The following CRYZL1 variants were observed in gnomAD, a reference collection of about 807,000 sequenced individuals.
CRYZL1 encodes the protein ferry endosomal RAB5 effector complex subunit 4.
In CRYZL1, 34 loss-of-function variants were observed where a neutral mutation model predicts 50.6. The observed-to-expected ratio is 0.67, with a 90% CI of 0.51 to 0.89. CRYZL1 has a LOEUF of 0.89. CRYZL1 is among the 40% of genes least tolerant of loss of function. CRYZL1 has a pLI of 0.00. For synonymous variants in CRYZL1, 125 were observed against 134.3 expected (o/e 0.93, Z 0.48); for missense variants, 354 against 402.3 (o/e 0.88, Z 1.03).
In CRYZL1 at chr21:33,597,392, TATAATCTCACTTGCAAGGGA is replaced by T; in HGVS notation, c.677-11_685del. ...TACAGCTGGTTCATCATCTTTACTA[TATAATCTCACTTGCAAGGGA>T]ATAGTTTTAAAAAAAGAGAGAGAGA... is the stretch of plus-strand genomic sequence containing the variant. On this transcript the variant is annotated splice_acceptor_variant and splice_polypyrimidine_tract_variant and coding_sequence_variant and intron_variant, in exon 10 of 13. Transcript: ENST00000381554. LOFTEE classifies it high-confidence loss of function. The T allele has an allele frequency of 6.3e-7, 1 of 1,579,552 alleles. No homozygotes were observed. Among genetic ancestry groups the T allele is most frequent in the Non-Finnish European group, 8.7e-7 (1 of 1,149,080 alleles).
At chr21:33,606,721 CA>C (rs1264578152) in intron 6 of CRYZL1, among the ~76,000 whole-genome samples, 1 of 149,962 alleles carries the variant, frequency 6.7e-6, no homozygotes, top group Non-Finnish European at 1.5e-5. Flanking sequence ...AAAAACTAAA[CA>C]AATAAGGCCA....
At chr21:33,612,576 G>A (rs548599553) in intron 6 of CRYZL1, among the ~76,000 whole-genome samples, 3 of 152,202 alleles carry the variant, frequency 2.0e-5, no homozygotes, top group Admixed American at 2.0e-4. Flanking sequence ...GGCGTGAGCC[G>A]CTGCGCCTGG....
intron 1 of CRYZL1, among the ~76,000 whole-genome samples, chr21:33,638,537 G>T (rs2087238740): frequency 6.6e-6 from 1 of 152,190 alleles, no homozygotes; most frequent in Non-Finnish European, 1.5e-5. Flanking sequence ...GGTAGTGAAT[G>T]CATGGTTATA....
chr21:33,603,628 T>C (rs2086779723), intron 6 of CRYZL1, 91 bp from the exon 7 acceptor site: 1 of 1,462,374 alleles, frequency 6.8e-7, no homozygotes, highest in Non-Finnish European at 9.4e-7. Flanking sequence ...AGTACTACTA[T>C]GGCCCTGGTC....
Position 33,589,604 on chromosome 21 carries a change from C to A in CRYZL1, c.*218G>T. 1 of 515,366 alleles carries A rather than the reference C, an allele frequency of 1.9e-6. No individual in the cohort carries two copies. The allele number at this position is 515,366 out of a possible 1,614,324, so 31.9% of individuals were successfully genotyped here. The stretch of plus-strand genomic sequence containing the variant: ...ATGAAAAGGTTTTTAGAAAAATTCC[C>A]TTAAGATGTTAATTATAGAATTATC... On this transcript the variant is annotated 3_prime_UTR_variant, in exon 13 of 13. Transcript: ENST00000381554.
In CRYZL1 at chr21:33,601,000, G is replaced by A. The variant is rs544283602; in HGVS notation, c.577+1234C>T. 9.4e-5 allele frequency among the ~76,000 whole-genome samples: 12 copies of A among 128,150 alleles called. No homozygotes were observed. In the East Asian group the frequency reaches 3.1e-3, roughly 34 times the overall value. The allele number at this position is 128,150 out of a possible 152,430, so 84.1% of individuals were successfully genotyped here. ...TGCCCAGGCTGGAGTGCACTGACAC[G>A]ATCTCGGCTCACTGCAACCTCCACC... On this transcript the variant is annotated intron_variant, in intron 8 of 12. Transcript: ENST00000381554.
At chr21:33,620,902 C>CTTT (rs1217062963) in intron 4 of CRYZL1, among the ~76,000 whole-genome samples, 1,142 of 69,120 alleles carry the variant, frequency 0.017, 83 homozygotes, top group East Asian at 0.022. Flanking sequence ...GGTGTCCAAT[C>CTTT]TTTTTTTTTT....
At chr21:33,641,085 C>T (rs2087307118) in intron 1 of CRYZL1, 1 of 1,527,140 alleles carries the variant, frequency 6.5e-7, no homozygotes, top group Non-Finnish European at 8.8e-7. Context: ...CAGGTAAAAC[C>T]TTTCTACTCA....
intron 12 of CRYZL1, 78 bp downstream of exon 12, chr21:33,591,084 C>T: frequency 9.6e-7 from 1 of 1,043,398 alleles, no homozygotes; most frequent in Non-Finnish European, 1.5e-6. Context: ...AGAGCTAAAA[C>T]AAAAGTGGGA....
rs554196305 is a variant in CRYZL1, at chr21:33,640,723, T to C, written c.-7+958A>G. 7.2e-4 allele frequency among the ~76,000 whole-genome samples: 110 copies of C among 152,292 alleles called. 1 individual carries two copies. The South Asian group carries it at 0.017, about 24-fold the overall frequency. On this transcript the variant is annotated intron_variant, in intron 1 of 12. Coordinates refer to ENST00000381554, the MANE Select transcript of CRYZL1 (RefSeq NM_145858.3). ...TTTTCCCACCTTTTAATTTCTGCAG[T>C]AGGCTACTGTAGCAGCCACTAGCAC...
At chr21:33,610,066 T>A (rs1262208269) in intron 6 of CRYZL1, among the ~76,000 whole-genome samples, 1 of 151,412 alleles carries the variant, frequency 6.6e-6, no homozygotes, top group African/African-American at 2.4e-5. Flanking sequence ...CCAAGGCTGG[T>A]CTTGAACTCC....
At chr21:33,613,086 A>G (rs1016025051) in intron 6 of CRYZL1, among the ~76,000 whole-genome samples, 1 of 152,150 alleles carries the variant, frequency 6.6e-6, no homozygotes, top group South Asian at 2.1e-4. Context: ...TTGGCCTCCC[A>G]AAGTGCTGGG....
Position 33,622,115 on chromosome 21 carries a change from C to T in CRYZL1, c.145-47G>A, listed in dbSNP as rs779606802. The T allele has an allele frequency of 3.5e-6, 5 of 1,430,128 alleles. No individual in the cohort carries two copies. The African/African-American group carries it at 7.1e-5, about 20-fold the overall frequency. 88.6% of individuals were successfully genotyped at this position (1,430,128 alleles called of 1,614,324 possible). A position where few individuals can be genotyped will look rare whatever the true frequency, so the allele number is the denominator to read the frequency against. ...TAACATACTATTGTCAGAAGAAATC[C>T]TGGACTCCATTATATATGAGGAAAG... On this transcript the variant is annotated intron_variant, in intron 3 of 12. Transcript: ENST00000381554.
intron 4 of CRYZL1, among the ~76,000 whole-genome samples, chr21:33,620,962 G>A (rs559492915): frequency 8.7e-5 from 1 of 11,492 alleles, no homozygotes; most frequent in African/African-American, 2.9e-4. Flanking sequence ...CTGGAGTGCA[G>A]TGGCGCAATC....
intron 11 of CRYZL1, among the ~76,000 whole-genome samples, chr21:33,593,755 T>A (rs542882451): frequency 6.6e-6 from 1 of 151,878 alleles, no homozygotes; most frequent in Non-Finnish European, 1.5e-5. Flanking sequence ...GGCTGAGGCG[T>A]GTGGATCACC....
At chr21:33,603,282 G>A in intron 7 of CRYZL1, 122 bp downstream of exon 7, 1 of 1,225,180 alleles carries the variant, frequency 8.2e-7, no homozygotes, top group East Asian at 2.3e-5. Flanking sequence ...TAGGACACTG[G>A]AAAAAAAGTC....
At chr21:33,634,191 T>C (rs1233162907) in intron 1 of CRYZL1, among the ~76,000 whole-genome samples, 2 of 152,190 alleles carry the variant, frequency 1.3e-5, no homozygotes, top group Non-Finnish European at 2.9e-5. Context: ...GTTTGGGGGC[T>C]GGGGAGAACC....
chr21:33,601,410 C>T (rs571227216), intron 8 of CRYZL1, among the ~76,000 whole-genome samples: 8 of 152,186 alleles, frequency 5.3e-5, no homozygotes, highest in Admixed American at 3.3e-4. Flanking sequence ...AATCTCATTC[C>T]AGTCCTTTAC....
intron 5 of CRYZL1, among the ~76,000 whole-genome samples, chr21:33,614,445 C>T (rs2086905905): frequency 2.0e-5 from 3 of 152,190 alleles, no homozygotes; most frequent in Admixed American, 1.3e-4. Context: ...GCCATGATTA[C>T]ACCACTGCAC....
Sources: gnomAD v4.1 joint callset for allele counts (sites outside exome capture counted in the v4.1 genomes callset) on GRCh38, gnomAD v4.1.1 for gene constraint, MANE v1.5 for transcripts, NCBI Gene and HGNC (gene_info 2026-07-23, HGNC 2026-07-21) for gene names.